The following PRKCE variants were observed in gnomAD, a reference collection of about 807,000 sequenced individuals.
PRKCE encodes protein kinase C epsilon, also known as protein kinase C epsilon type.
Under a neutral mutation model 85.4 loss-of-function variants are expected in PRKCE, and 16 were observed. The observed-to-expected ratio is 0.19, with a 90% CI of 0.13 to 0.28. The LOEUF (loss-of-function observed/expected upper bound fraction) is 0.28. Ranked by LOEUF, PRKCE falls within the 10% of genes least tolerant of loss-of-function variation. The pLI is 1.00. For missense variants in PRKCE, 573 were observed against 975.2 expected (o/e 0.59, Z 5.49); for synonymous variants, 388 against 371.5 (o/e 1.04, Z -0.51).
At chr2:45,904,438 A>C (rs1373630933) in intron 2 of PRKCE, among the ~76,000 whole-genome samples, 1 of 152,122 alleles carries the variant, frequency 6.6e-6, no homozygotes, top group Non-Finnish European at 1.5e-5. Context: ...TGGTATTTGT[A>C]ATGGAGAACA....
At chr2:46,012,594 A>T (rs993160716) in intron 10 of PRKCE, among the ~76,000 whole-genome samples, 1 of 152,114 alleles carries the variant, frequency 6.6e-6, no homozygotes. Flanking sequence ...GCAGGGAGCC[A>T]CTCTGGCAAG....
chr2:45,722,801 T>TA (rs1370922261), intron 1 of PRKCE, among the ~76,000 whole-genome samples: 2 of 152,182 alleles, frequency 1.3e-5, no homozygotes, highest in Non-Finnish European at 2.9e-5. Context: ...TGTAGTCAGT[T>TA]AAAAGATAAG....
chr2:45,759,332 C>T (rs546177252), intron 1 of PRKCE, among the ~76,000 whole-genome samples: 18 of 152,250 alleles, frequency 1.2e-4, no homozygotes, highest in African/African-American at 4.3e-4. Context: ...ATTAGGCTGA[C>T]GGGGCCTGGA....
chr2:45,817,960 G>A (rs1399096563), intron 1 of PRKCE, among the ~76,000 whole-genome samples: 3 of 152,210 alleles, frequency 2.0e-5, no homozygotes, highest in Admixed American at 6.5e-5. Flanking sequence ...ATCAGACCAG[G>A]CTCAGTCTCC....
At chr2:45,913,293 G>A (rs901713849) in intron 2 of PRKCE, among the ~76,000 whole-genome samples, 2 of 152,170 alleles carry the variant, frequency 1.3e-5, no homozygotes, top group Admixed American at 6.5e-5. Context: ...GACCACAGGC[G>A]AGCACCATCA....
At chr2:46,170,029 G>A (rs1028962747) in intron 14 of PRKCE, among the ~76,000 whole-genome samples, 1 of 152,202 alleles carries the variant, frequency 6.6e-6, no homozygotes, top group Admixed American at 6.5e-5. Flanking sequence ...CCAGCCATGT[G>A]AGAGCAGGGA....
intron 1 of PRKCE, among the ~76,000 whole-genome samples, chr2:45,705,610 T>A (rs1045465402): frequency 6.6e-6 from 1 of 152,214 alleles, no homozygotes; most frequent in Non-Finnish European, 1.5e-5. Flanking sequence ...CAGATAAACC[T>A]CCACGCTTTG....
At chr2:45,966,852 A>C (rs1701766727) in intron 2 of PRKCE, among the ~76,000 whole-genome samples, 1 of 152,002 alleles carries the variant, frequency 6.6e-6, no homozygotes. Flanking sequence ...GGAGCATCGG[A>C]GCAGGTTCTG....
intron 6 of PRKCE, among the ~76,000 whole-genome samples, chr2:46,000,063 G>T (rs1237504420): frequency 6.6e-6 from 1 of 151,930 alleles, no homozygotes; most frequent in Admixed American, 6.6e-5. Flanking sequence ...TAAATTCCCA[G>T]TCAGATAATT....
intron 10 of PRKCE, among the ~76,000 whole-genome samples, chr2:46,080,122 C>G (rs1285371831): frequency 6.6e-6 from 1 of 152,074 alleles, no homozygotes; most frequent in African/African-American, 2.4e-5. Flanking sequence ...CTACCCATGC[C>G]AAGAGGGGAT....
At chr2:45,983,882 T>G (rs1038806623) in intron 5 of PRKCE, among the ~76,000 whole-genome samples, 1 of 151,954 alleles carries the variant, frequency 6.6e-6, no homozygotes, top group East Asian at 1.9e-4. Flanking sequence ...TTGAGCTTCC[T>G]AGAGACTTTT....
intron 7 of PRKCE, among the ~76,000 whole-genome samples, chr2:46,002,346 C>T (rs190237758): frequency 1.3e-5 from 2 of 152,294 alleles, no homozygotes; most frequent in East Asian, 3.9e-4. Flanking sequence ...TGCCCAGTGG[C>T]GAACATCCTC....
chr2:45,744,623 T>C (rs1218297594), intron 1 of PRKCE, among the ~76,000 whole-genome samples: 2 of 151,404 alleles, frequency 1.3e-5, no homozygotes, highest in African/African-American at 4.9e-5. Flanking sequence ...TTTCTTTCTT[T>C]TGGAGACAGA....
Position 45,920,926 on chromosome 2 carries a change from G to T in PRKCE, c.413-55503G>T, listed in dbSNP as rs552299794. ...TTTAAAGAAAGTCAACCAAATAATT[G>T]TTGTCCTACCCCCATACACATGCCT... On this transcript the variant is annotated intron_variant, in intron 2 of 14. Coordinates refer to ENST00000306156, the MANE Select transcript of PRKCE (RefSeq NM_005400.3). Among the ~76,000 whole-genome samples the T allele has an allele frequency of 1.8e-4, 28 of 152,256 alleles. No homozygotes were observed. The South Asian group carries it at 3.9e-3, about 21-fold the overall frequency.
intron 2 of PRKCE, among the ~76,000 whole-genome samples, chr2:45,865,148 C>T (rs1037989074): frequency 6.6e-6 from 1 of 152,144 alleles, no homozygotes; most frequent in African/African-American, 2.4e-5. Flanking sequence ...TGAGATTCTG[C>T]TTTTCTAACC....
At chr2:45,680,015 T>G (rs529014888) in intron 1 of PRKCE, among the ~76,000 whole-genome samples, 1 of 152,146 alleles carries the variant, frequency 6.6e-6, no homozygotes, top group South Asian at 2.1e-4. Context: ...AGTAGAGCAT[T>G]TGAGGGAGAT....
intron 1 of PRKCE, among the ~76,000 whole-genome samples, chr2:45,733,561 A>T (rs1681772596): frequency 6.6e-6 from 1 of 152,170 alleles, no homozygotes; most frequent in Non-Finnish European, 1.5e-5. Context: ...CGGAGTGGCC[A>T]GGTTGGGGTG....
intron 2 of PRKCE, among the ~76,000 whole-genome samples, chr2:45,868,955 C>T (rs1210338109): frequency 9.9e-6 from 1 of 100,988 alleles, no homozygotes; most frequent in Non-Finnish European, 2.1e-5. Flanking sequence ...AACATCCTGT[C>T]TCAAAAAAAA....
chr2:45,851,124 G>A (rs193154629), intron 2 of PRKCE, among the ~76,000 whole-genome samples: 8 of 152,268 alleles, frequency 5.3e-5, no homozygotes, highest in South Asian at 2.1e-4. Context: ...ACACTTCCAC[G>A]TGATCACTGA....
Sources: allele counts gnomAD v4.1 joint callset (sites outside exome capture counted in the v4.1 genomes callset), GRCh38; gene constraint gnomAD v4.1.1; transcripts MANE v1.5; gene names NCBI Gene and HGNC (gene_info 2026-07-23, HGNC 2026-07-21).